Variants in IRAK2 observed in about 807,000 individuals in gnomAD.
The protein encoded by IRAK2 is interleukin 1 receptor associated kinase 2.
IRAK2 carries 57 observed loss-of-function variants against 72.0 expected under a neutral mutation model. That is an observed-to-expected ratio of 0.79 (90% CI 0.64 to 0.99). The LOEUF (loss-of-function observed/expected upper bound fraction) is 0.99. Ranked by LOEUF, IRAK2 falls within the 50% of genes least tolerant of loss-of-function variation. IRAK2 has a pLI of 0.00. For synonymous variants in IRAK2, 293 were observed against 312.7 expected (o/e 0.94, Z 0.67); for missense variants, 790 against 794.4 (o/e 0.99, Z 0.07).
intron 3 of IRAK2, among the ~76,000 whole-genome samples, chr3:10,200,850 A>G (rs1378641961): frequency 6.6e-6 from 1 of 152,220 alleles, no homozygotes; most frequent in African/African-American, 2.4e-5. Context: ...GTGGTGAGCT[A>G]TGATCACACC....
intron 7 of IRAK2, among the ~76,000 whole-genome samples, chr3:10,217,752 G>C (rs1361000185): frequency 6.6e-6 from 1 of 152,144 alleles, no homozygotes; most frequent in Non-Finnish European, 1.5e-5. Flanking sequence ...CTCAAATAGA[G>C]GGGAAAGAGT....
Position 10,236,568 on chromosome 3 carries a change from G to A in IRAK2, c.1473+1909G>A, listed in dbSNP as rs541843358. ...TCACTATGTTGGCCAAGCTGGTCTC[G>A]AACTCCTGACCTCAGGTGATCCACC... On this transcript the variant is annotated intron_variant, in intron 11 of 12. Coordinates refer to ENST00000256458, the MANE Select transcript of IRAK2 (RefSeq NM_001570.4). 7.6e-4 allele frequency among the ~76,000 whole-genome samples: 116 copies of A among 151,884 alleles called. 1 individual carries two copies. The highest frequency in any genetic ancestry group is 1.5e-3 in the Non-Finnish European group (101 of 67,940).
At chr3:10,172,837 CAAA>C (rs533137515) in intron 1 of IRAK2, among the ~76,000 whole-genome samples, 1 of 53,992 alleles carries the variant, frequency 1.9e-5, no homozygotes, top group Non-Finnish European at 3.1e-5. Context: ...GACTCTGTCT[CAAA>C]AAAAAAAAAA....
At chr3:10,174,333 G>C (rs1184242344) in intron 1 of IRAK2, among the ~76,000 whole-genome samples, 1 of 152,076 alleles carries the variant, frequency 6.6e-6, no homozygotes, top group Non-Finnish European at 1.5e-5. Flanking sequence ...CCAAAGGGTA[G>C]GGGATTGTGC....
chr3:10,216,887 A>G, intron 6 of IRAK2, 47 bp from the exon 7 acceptor site: 1 of 1,409,346 alleles, frequency 7.1e-7, no homozygotes, highest in Non-Finnish European at 1.0e-6. Flanking sequence ...GAAGTAGATC[A>G]TTCTTTCCGT....
chr3:10,232,163 C>T (rs1559453412), intron 10 of IRAK2, among the ~76,000 whole-genome samples: 1 of 152,164 alleles, frequency 6.6e-6, no homozygotes, highest in African/African-American at 2.4e-5. Flanking sequence ...TCTCTCACAA[C>T]CTCTCCCGCA....
At position 10,242,208 on chromosome 3, in the gene IRAK2, AT is replaced by A; in HGVS notation, c.1860del (p.Ile620MetfsTer22). 1 of 1,611,382 alleles carries A rather than the reference AT, an allele frequency of 6.2e-7. No individual in the cohort carries two copies. Among genetic ancestry groups the A allele is most frequent in the South Asian group, 1.1e-5 (1 of 90,944 alleles). On this transcript the variant is annotated frameshift_variant, in exon 13 of 13. Transcript: ENST00000256458. LOFTEE classifies it high-confidence loss of function. ...LLYKEEKVDS[I>X]ELFGP ...CTACAAAGAGGAAAAAGTGGACAGCATTGAGCTCTTTGGCCCCTGATGACCG... is the reference window on the plus strand; with the variant it reads ...CTACAAAGAGGAAAAAGTGGACAGCATGAGCTCTTTGGCCCCTGATGACCG...
Position 10,209,637 on chromosome 3 carries a change from A to G in IRAK2, c.473A>G (p.Glu158Gly). 6.4e-7 allele frequency: 1 copy of G among 1,570,802 alleles called. No individual in the cohort carries two copies. The highest frequency in any genetic ancestry group is 8.6e-7 in the Non-Finnish European group (1 of 1,160,596). Residue 158 changes from glutamate (E) to glycine (G), a missense_variant, in exon 4 of 13, where the codon GAA becomes GGA. Coordinates refer to ENST00000256458, the MANE Select transcript of IRAK2 (RefSeq NM_001570.4). ...AHQPAFLQPPEEDAPHSLRSD... is the reference protein window; with the variant it reads ...AHQPAFLQPPGEDAPHSLRSD... ...CAGCCGGCCTTTCTCCAGCCTCCTG[A>G]AGAAGATGCCCCTCATTCCTTGAGA... is the stretch of plus-strand genomic sequence containing the variant.
At chr3:10,175,881 A>T (rs1395056251) in intron 1 of IRAK2, among the ~76,000 whole-genome samples, 1 of 120,760 alleles carries the variant, frequency 8.3e-6, no homozygotes, top group African/African-American at 3.2e-5. Context: ...ACAGAGCGAG[A>T]CTCCGTCTCA....
chr3:10,240,558 C>CCCCCCCCCCCTT (rs1274154130), intron 12 of IRAK2, among the ~76,000 whole-genome samples: 1 of 18,066 alleles, frequency 5.5e-5, no homozygotes, highest in Non-Finnish European at 8.2e-5. Context: ...CCCCCCCCGC[C>CCCCCCCCCCCTT]TTTTTTTTTT....
intron 9 of IRAK2, among the ~76,000 whole-genome samples, chr3:10,223,824 C>T (rs2125160425): frequency 6.6e-6 from 1 of 152,348 alleles, no homozygotes; most frequent in Non-Finnish European, 1.5e-5. Flanking sequence ...CTCTTTTCTT[C>T]TCTAGCCTTG....
chr3:10,174,948 C>G (rs1696849666), intron 1 of IRAK2, among the ~76,000 whole-genome samples: 1 of 120,908 alleles, frequency 8.3e-6, no homozygotes, highest in Non-Finnish European at 1.7e-5. Flanking sequence ...AAAAAATTAG[C>G]CAGGAATGGT....
At chr3:10,183,006 AAGTG>A in intron 2 of IRAK2, among the ~76,000 whole-genome samples, 1 of 152,212 alleles carries the variant, frequency 6.6e-6, no homozygotes, top group South Asian at 2.1e-4. Flanking sequence ...TCCTGGCCTC[AAGTG>A]ATCTGCCCAC....
intron 10 of IRAK2, 106 bp from the exon 11 acceptor site, chr3:10,234,353 C>A (rs892896515): frequency 1.2e-6 from 1 of 818,310 alleles, no homozygotes. Context: ...GATGTCCGGT[C>A]GGTTTTCTGA....
intron 1 of IRAK2, among the ~76,000 whole-genome samples, chr3:10,167,095 T>TAA (rs34759742): frequency 7.3e-5 from 11 of 150,494 alleles, no homozygotes; most frequent in East Asian, 1.9e-4. Flanking sequence ...ACCTATGACT[T>TAA]AAAAAAAAAA....
At chr3:10,238,709 G>T (rs756004742) in intron 11 of IRAK2, 39 bp from the exon 12 acceptor site, 4 of 1,589,972 alleles carry the variant, frequency 2.5e-6, no homozygotes, top group East Asian at 2.2e-5. Flanking sequence ...ATTTCAGAGA[G>T]AATTCCTGAT....
At chr3:10,207,237 G>A (rs918219488) in intron 3 of IRAK2, among the ~76,000 whole-genome samples, 11 of 152,308 alleles carry the variant, frequency 7.2e-5, no homozygotes, top group Admixed American at 7.2e-4. Context: ...ACAAGCCTGA[G>A]CCACTGTGCC....
At chr3:10,165,454 G>T (rs891914970) in intron 1 of IRAK2, among the ~76,000 whole-genome samples, 8 of 151,148 alleles carry the variant, frequency 5.3e-5, no homozygotes, top group African/African-American at 1.9e-4. Context: ...TGTGTGTGTG[G>T]TGTGTTTAGT....
chr3:10,200,612 A>G, intron 3 of IRAK2, 97 bp downstream of exon 3: 3 of 1,088,766 alleles, frequency 2.8e-6, no homozygotes, highest in African/African-American at 1.6e-5. Flanking sequence ...AGAGCAAAAA[A>G]TTGAGGCTGA....
Sources: gnomAD v4.1 joint callset for allele counts (sites outside exome capture counted in the v4.1 genomes callset) on GRCh38, gnomAD v4.1.1 for gene constraint, MANE v1.5 for transcripts, NCBI Gene and HGNC (gene_info 2026-07-23, HGNC 2026-07-21) for gene names.